Variants in NCKAP5 observed in about 807,000 individuals in gnomAD.
The protein encoded by NCKAP5 is nck-associated protein 5.
In NCKAP5, 92 loss-of-function variants were observed where a neutral mutation model predicts 167.0. That is an observed-to-expected ratio of 0.55 (90% CI 0.47 to 0.66). The LOEUF (loss-of-function observed/expected upper bound fraction) is 0.66. NCKAP5 is among the 30% of genes least tolerant of loss of function. NCKAP5 has a pLI of 0.00. For missense variants in NCKAP5, 2,378 were observed against 2,315.0 expected (o/e 1.03, Z -0.56); for synonymous variants, 891 against 877.4 (o/e 1.02, Z -0.27).
intron 11 of NCKAP5, among the ~76,000 whole-genome samples, chr2:132,836,439 G>C (rs899686400): frequency 6.6e-6 from 1 of 150,654 alleles, no homozygotes; most frequent in Non-Finnish European, 1.5e-5. Context: ...ATTGTTATTG[G>C]TGTTTTTTTT....
intron 3 of NCKAP5, among the ~76,000 whole-genome samples, chr2:133,310,262 T>C (rs2033307): frequency 0.2 from 29,791 of 152,156 alleles, 3,683 homozygotes; most frequent in African/African-American, 0.35. Flanking sequence ...CTTTTTTAAA[T>C]GTTAAACACC....
intron 3 of NCKAP5, among the ~76,000 whole-genome samples, chr2:133,330,000 T>G (rs950223449): frequency 5.4e-5 from 8 of 148,008 alleles, no homozygotes; most frequent in African/African-American, 2.0e-4. Flanking sequence ...AAGAGTATAA[T>G]ACTGAGCATT....
intron 19 of NCKAP5, among the ~76,000 whole-genome samples, chr2:132,716,746 G>A (rs928392106): frequency 1.3e-5 from 2 of 152,064 alleles, no homozygotes; most frequent in Admixed American, 1.3e-4. Context: ...GCCTTGCTAC[G>A]GCACACTGCT....
At chr2:133,643,334 A>G in the NCKAP5 span, among the ~76,000 whole-genome samples, 5 of 152,164 alleles carry the variant, frequency 3.3e-5, no homozygotes. Context: ...TTTAAGCTAC[A>G]TTTATATTGA....
intron 5 of NCKAP5, among the ~76,000 whole-genome samples, chr2:133,165,068 T>C (rs1438417404): frequency 7.6e-6 from 1 of 131,396 alleles, no homozygotes; most frequent in Non-Finnish European, 1.7e-5. Context: ...AACTTTCGGG[T>C]GTCACAGCTG....
chr2:133,129,472 C>T (rs1179103401), intron 6 of NCKAP5, among the ~76,000 whole-genome samples: 1 of 152,232 alleles, frequency 6.6e-6, no homozygotes, highest in East Asian at 1.9e-4. Flanking sequence ...ATATGTGCCA[C>T]ATTTTCTTAA....
chr2:133,236,533 T>A (rs2087430792), intron 4 of NCKAP5, among the ~76,000 whole-genome samples: 1 of 152,054 alleles, frequency 6.6e-6, no homozygotes, highest in Non-Finnish European at 1.5e-5. Flanking sequence ...ACACCACAAC[T>A]AAAAATATCA....
At chr2:132,944,034 T>C (rs930778737) in intron 8 of NCKAP5, among the ~76,000 whole-genome samples, 2 of 152,198 alleles carry the variant, frequency 1.3e-5, no homozygotes, top group Non-Finnish European at 2.9e-5. Context: ...TTTGGCCAGA[T>C]GCCACACTCA....
At chr2:133,369,750 G>A (rs1685680700) in intron 3 of NCKAP5, among the ~76,000 whole-genome samples, 1 of 152,182 alleles carries the variant, frequency 6.6e-6, no homozygotes. Flanking sequence ...GGCTTAAATA[G>A]CATCTAAATG....
chr2:133,397,454 T>C (rs1360444643), intron 3 of NCKAP5, among the ~76,000 whole-genome samples: 1 of 152,250 alleles, frequency 6.6e-6, no homozygotes. Flanking sequence ...ATGTAATTCA[T>C]TGATAATTAG....
chr2:133,006,719 A>C (rs545004996), intron 6 of NCKAP5, among the ~76,000 whole-genome samples: 1 of 152,302 alleles, frequency 6.6e-6, no homozygotes, highest in South Asian at 2.1e-4. Context: ...CAGCACAGTA[A>C]GTAGCCGGTG....
At chr2:133,090,502 C>A (rs542730938) in intron 6 of NCKAP5, among the ~76,000 whole-genome samples, 1 of 152,044 alleles carries the variant, frequency 6.6e-6, no homozygotes, top group Non-Finnish European at 1.5e-5. Flanking sequence ...TGGCAGCCAC[C>A]AGAAGCTAAA....
intron 11 of NCKAP5, among the ~76,000 whole-genome samples, chr2:132,851,544 C>T (rs1400623294): frequency 2.6e-5 from 4 of 152,186 alleles, no homozygotes; most frequent in African/African-American, 4.8e-5. Flanking sequence ...CTGGCCATCC[C>T]GGGCTGCACG....
intron 8 of NCKAP5, among the ~76,000 whole-genome samples, chr2:132,962,588 T>C (rs2076547007): frequency 6.6e-6 from 1 of 151,204 alleles, no homozygotes; most frequent in Admixed American, 6.6e-5. Context: ...CAGGTCTTTT[T>C]GTTTTTTTGT....
intron 3 of NCKAP5, among the ~76,000 whole-genome samples, chr2:133,349,258 T>C (rs1243430819): frequency 3.3e-5 from 5 of 152,216 alleles, no homozygotes; most frequent in African/African-American, 1.2e-4. Context: ...ATTTGCCTTT[T>C]CCAGCCACTA....
At chr2:133,143,402 G>A (rs2083071840) in intron 5 of NCKAP5, among the ~76,000 whole-genome samples, 1 of 152,122 alleles carries the variant, frequency 6.6e-6, no homozygotes, top group African/African-American at 2.4e-5. Context: ...TCAGTGTACT[G>A]AACATGATGT....
At chr2:132,733,037 C>T (rs1338747656) in intron 16 of NCKAP5, among the ~76,000 whole-genome samples, 3 of 152,228 alleles carry the variant, frequency 2.0e-5, no homozygotes, top group Non-Finnish European at 2.9e-5. Flanking sequence ...TTCTCTAGAA[C>T]AAATTAAGAT....
intron 6 of NCKAP5, chr2:133,122,377 A>C (rs2149764854): frequency 6.6e-6 from 1 of 152,356 alleles, no homozygotes; most frequent in South Asian, 2.1e-4. Context: ...TATGTTATTA[A>C]AACATATTTA....
At chr2:133,069,826 T>C (rs1388072190) in intron 6 of NCKAP5, among the ~76,000 whole-genome samples, 1 of 151,968 alleles carries the variant, frequency 6.6e-6, no homozygotes, top group Admixed American at 6.6e-5. Flanking sequence ...CCTCAGTGCC[T>C]TATAATTATA....
Sources: allele counts gnomAD v4.1 joint callset (sites outside exome capture counted in the v4.1 genomes callset), GRCh38; gene constraint gnomAD v4.1.1; transcripts MANE v1.5; gene names NCBI Gene and HGNC (gene_info 2026-07-23, HGNC 2026-07-21).